LGMN: variants seen among roughly 807,000 people sequenced by gnomAD.
LGMN encodes the protein legumain, also known as asparaginyl endopeptidase.
In LGMN, 36 loss-of-function variants were observed where a neutral mutation model predicts 56.8. The ratio of observed to expected loss-of-function variants is 0.63; its 90% confidence interval spans 0.49 to 0.84. LGMN has a LOEUF of 0.84. Ranked by LOEUF, LGMN falls within the 40% of genes least tolerant of loss-of-function variation. The pLI, the probability that LGMN is intolerant of heterozygous loss-of-function variation, is 0.00. For synonymous variants in LGMN, 199 were observed against 210.1 expected (o/e 0.95, Z 0.46); for missense variants, 446 against 556.1 (o/e 0.80, Z 1.99).
chr14:92,713,753 T>C, intron 7 of LGMN, 70 bp downstream of exon 7: 1 of 1,033,766 alleles, frequency 9.7e-7, no homozygotes. Context: ...GTCACGGGAC[T>C]GTGGGCTCTG....
intron 2 of LGMN, among the ~76,000 whole-genome samples, chr14:92,729,080 T>C (rs1040161832): frequency 6.6e-6 from 1 of 151,692 alleles, no homozygotes. Context: ...CTAGGTACCA[T>C]TTTCAGTCAG....
At chr14:92,718,536 T>G (rs1035929393) in intron 3 of LGMN, among the ~76,000 whole-genome samples, 1 of 151,670 alleles carries the variant, frequency 6.6e-6, no homozygotes. Context: ...ATCGCACCAC[T>G]GCACTCCAGC....
intron 4 of LGMN, among the ~76,000 whole-genome samples, chr14:92,716,558 G>T (rs538273911): frequency 6.6e-6 from 1 of 152,230 alleles, no homozygotes; most frequent in African/African-American, 2.4e-5. Context: ...ACTTGAACCC[G>T]GGAAGCGGAG....
intron 2 of LGMN, among the ~76,000 whole-genome samples, chr14:92,731,134 A>C (rs1028630859): frequency 1.3e-5 from 2 of 152,098 alleles, no homozygotes; most frequent in African/African-American, 4.8e-5. Context: ...AATCATTCGT[A>C]AAGAGGGAGT....
Position 92,711,976 on chromosome 14 carries a change from T to C in LGMN, c.611-21A>G, listed in dbSNP as rs182833577. ...ATAAACTACGAGGAATTAAAGATGA[T>C]CTTTTAGTTGCATTTTATTCCTGCC... On this transcript the variant is annotated intron_variant, in intron 8 of 13. Coordinates refer to ENST00000334869, the MANE Select transcript of LGMN (RefSeq NM_005606.7). 2.6e-4 allele frequency: 395 copies of C among 1,540,974 alleles called. 1 individual carries two copies. In the African/African-American group the frequency reaches 4.2e-3, roughly 16 times the overall value.
Position 92,709,854 on chromosome 14 carries a change from C to T in LGMN, c.838G>A (p.Val280Met). Residue 280 changes from valine to methionine, a missense_variant, in exon 11 of 14, where the codon GTG (valine) becomes ATG (methionine). Coordinates refer to ENST00000334869, the MANE Select transcript of LGMN (RefSeq NM_005606.7). Reference protein sequence around the residue: ...YGNKTISTMKVMQFQGMKRKA... With the variant: ...YGNKTISTMKMMQFQGMKRKA... ...CGTTTCATACCCTGAAACTGCATCA[C>T]TTTCATGGTGGAGATTGTCTGGGGA... 2 of 1,607,370 alleles carry T rather than the reference C, an allele frequency of 1.2e-6. No individual in the cohort carries two copies. Among genetic ancestry groups the T allele is most frequent in the Non-Finnish European group, 1.7e-6 (2 of 1,175,846 alleles).
intron 2 of LGMN, among the ~76,000 whole-genome samples, chr14:92,719,297 C>A (rs1890307619): frequency 1.0e-5 from 1 of 100,344 alleles, no homozygotes; most frequent in Non-Finnish European, 2.0e-5. Flanking sequence ...GCCGCCGCCG[C>A]CGCCACCGCC....
At chr14:92,715,214 G>GGTGTGTGTGT (rs145432785) in intron 5 of LGMN, among the ~76,000 whole-genome samples, 2,660 of 148,992 alleles carry the variant, frequency 0.018, 95 homozygotes, top group African/African-American at 0.061. Context: ...GGTCAGGGTG[G>GGTGTGTGTGT]GTGTGTGTGT....
At chr14:92,743,298 G>A (rs1891651595) in intron 1 of LGMN, among the ~76,000 whole-genome samples, 1 of 151,854 alleles carries the variant, frequency 6.6e-6, no homozygotes, top group African/African-American at 2.4e-5. Context: ...TCAGGAGATC[G>A]AGACCATCCT....
At chr14:92,746,897 G>T (rs1182211540) in intron 1 of LGMN, among the ~76,000 whole-genome samples, 2 of 152,048 alleles carry the variant, frequency 1.3e-5, no homozygotes, top group Non-Finnish European at 2.9e-5. Context: ...TTAGCCGGGC[G>T]TGGTGGCGGG....
At chr14:92,736,906 CGA>C (rs1210985922) in intron 1 of LGMN, among the ~76,000 whole-genome samples, 1 of 152,050 alleles carries the variant, frequency 6.6e-6, no homozygotes, top group Non-Finnish European at 1.5e-5. Context: ...TGAGGACAGG[CGA>C]GAGAGAGTCA....
intron 2 of LGMN, among the ~76,000 whole-genome samples, chr14:92,727,290 C>G (rs1458110811): frequency 6.6e-6 from 1 of 151,812 alleles, no homozygotes; most frequent in Admixed American, 6.6e-5. Flanking sequence ...ATTAGCCAGG[C>G]GTGGTGGCAG....
At chr14:92,739,748 C>A (rs2140276581) in intron 1 of LGMN, among the ~76,000 whole-genome samples, 1 of 152,274 alleles carries the variant, frequency 6.6e-6, no homozygotes, top group Admixed American at 6.5e-5. Context: ...CCACTGGAAG[C>A]AACATAAATG....
intron 2 of LGMN, among the ~76,000 whole-genome samples, chr14:92,729,805 C>T (rs989997589): frequency 2.0e-5 from 3 of 152,206 alleles, no homozygotes; most frequent in Admixed American, 1.3e-4. Flanking sequence ...ACAGAAGCAG[C>T]CCCTTGGCAG....
chr14:92,738,424 G>A (rs1348842661), intron 1 of LGMN, among the ~76,000 whole-genome samples: 1 of 151,530 alleles, frequency 6.6e-6, no homozygotes, highest in African/African-American at 2.4e-5. Flanking sequence ...GACTACAGGC[G>A]CCACCACCAT....
At chr14:92,720,572 T>TG (rs1890406910) in intron 2 of LGMN, among the ~76,000 whole-genome samples, 1 of 152,026 alleles carries the variant, frequency 6.6e-6, no homozygotes, top group Non-Finnish European at 1.5e-5. Flanking sequence ...GAGGCTGAGG[T>TG]GGGAGAATCT....
At chr14:92,746,113 G>C (rs767424206) in intron 1 of LGMN, among the ~76,000 whole-genome samples, 3 of 152,086 alleles carry the variant, frequency 2.0e-5, no homozygotes, top group Non-Finnish European at 4.4e-5. Flanking sequence ...GAGCCACCGC[G>C]CCCAGCGAGA....
intron 1 of LGMN, among the ~76,000 whole-genome samples, chr14:92,734,093 A>G (rs1005171923): frequency 6.6e-6 from 1 of 152,244 alleles, no homozygotes; most frequent in Admixed American, 6.5e-5. Context: ...GCTATAGTCA[A>G]ACATTAATTC....
In LGMN at chr14:92,732,422, G is replaced by T. The variant is rs1891094945; in HGVS notation, c.138+227C>A. ...AAGATGGCCCTATCAAAACTTCTGA[G>T]GAATGACCAAACTGTTTTCCAAAAT... is the stretch of plus-strand genomic sequence containing the variant. On this transcript the variant is annotated intron_variant, in intron 2 of 13. Coordinates refer to ENST00000334869, the MANE Select transcript of LGMN (RefSeq NM_005606.7). 3 of 495,940 alleles carry T rather than the reference G, an allele frequency of 6.0e-6. No individual in the cohort carries two copies. The Admixed American group carries it at 1.1e-4, about 17-fold the overall frequency. The allele number at this position is 495,940 out of a possible 1,614,324, so 30.7% of individuals were successfully genotyped here.
Sources: gnomAD v4.1 joint callset for allele counts (sites outside exome capture counted in the v4.1 genomes callset) on GRCh38, gnomAD v4.1.1 for gene constraint, MANE v1.5 for transcripts, NCBI Gene and HGNC (gene_info 2026-07-23, HGNC 2026-07-21) for gene names.